The following SBF2 variants were observed in gnomAD, a reference collection of about 807,000 sequenced individuals.
SBF2 encodes SET binding factor 2, also known as myotubularin-related protein 13.
Under a neutral mutation model 225.2 loss-of-function variants are expected in SBF2, and 112 were observed. The observed-to-expected ratio is 0.50, with a 90% CI of 0.43 to 0.58. The LOEUF (loss-of-function observed/expected upper bound fraction) is 0.58, where lower values mean the gene tolerates loss of function less well. Ranked by LOEUF, SBF2 falls within the 20% of genes least tolerant of loss-of-function variation. The pLI is 0.00. For missense variants in SBF2, 1,996 were observed against 2,206.2 expected (o/e 0.90, Z 1.91); for synonymous variants, 763 against 773.3 (o/e 0.99, Z 0.22).
chr11:10,244,905 G>A lies in SBF2; in HGVS notation c.55+49110C>T, dbSNP rs527704305. Among the ~76,000 whole-genome samples, 24 of 152,066 alleles carry A rather than the reference G, an allele frequency of 1.6e-4. No homozygotes were observed. In the South Asian group the frequency reaches 2.3e-3, roughly 14 times the overall value. On this transcript the variant is annotated intron_variant, in intron 1 of 39. Transcript: ENST00000256190. ...AATCCCAGCACTTTGGGAGGCCAAGGGGGGTGGATCACTTGAGCTCAGAAG... is the reference window on the plus strand; with the variant it reads ...AATCCCAGCACTTTGGGAGGCCAAGAGGGGTGGATCACTTGAGCTCAGAAG...
chr11:9,989,298 A>G (rs547098349), intron 13 of SBF2, among the ~76,000 whole-genome samples, 199 bp downstream of exon 13: 4 of 152,064 alleles, frequency 2.6e-5, no homozygotes, highest in Non-Finnish European at 4.4e-5. Flanking sequence ...TGGGGTGAAG[A>G]GTGGGAGGGA....
At chr11:9,848,374 A>G (rs2133977777) in intron 22 of SBF2, among the ~76,000 whole-genome samples, 1 of 152,334 alleles carries the variant, frequency 6.6e-6, no homozygotes, top group South Asian at 2.1e-4. Context: ...AGAAATTTAA[A>G]AGGAAATAAA....
chr11:9,908,376 A>G (rs1024627139), intron 16 of SBF2, among the ~76,000 whole-genome samples: 1 of 152,218 alleles, frequency 6.6e-6, no homozygotes, highest in Non-Finnish European at 1.5e-5. Context: ...CTGTAATCCC[A>G]GCACTTTGGG....
chr11:9,877,198 G>A (rs1364201476), intron 17 of SBF2, among the ~76,000 whole-genome samples: 1 of 152,078 alleles, frequency 6.6e-6, no homozygotes, highest in Non-Finnish European at 1.5e-5. Context: ...CAAAGTATTA[G>A]TATTTCTATG....
chr11:10,135,067 G>T (rs950244410), intron 2 of SBF2, among the ~76,000 whole-genome samples: 5 of 152,320 alleles, frequency 3.3e-5, no homozygotes, highest in African/African-American at 9.6e-5. Context: ...AACCTAGGTG[G>T]AGGTTCCCAA....
At chr11:10,231,123 T>G (rs1252612141) in intron 1 of SBF2, among the ~76,000 whole-genome samples, 1 of 152,218 alleles carries the variant, frequency 6.6e-6, no homozygotes, top group East Asian at 1.9e-4. Flanking sequence ...GCTTGTGCAT[T>G]CGTCACTTAA....
At chr11:9,828,236 AAAG>A in intron 28 of SBF2, 2 of 1,286,832 alleles carry the variant, frequency 1.6e-6, no homozygotes, top group Non-Finnish European at 2.0e-6. Flanking sequence ...AGTCAGCCAA[AAAG>A]AAGAACAAAA....
At chr11:9,886,884 A>G (rs976322894) in intron 17 of SBF2, among the ~76,000 whole-genome samples, 1 of 152,168 alleles carries the variant, frequency 6.6e-6, no homozygotes, top group African/African-American at 2.4e-5. Flanking sequence ...TATCTGTTTT[A>G]GAATACACAT....
chr11:9,908,466 A>G (rs1862286615), intron 16 of SBF2, among the ~76,000 whole-genome samples: 1 of 152,092 alleles, frequency 6.6e-6, no homozygotes, highest in African/African-American at 2.4e-5. Flanking sequence ...TCTACTAAAA[A>G]TGCAAAAAAA....
chr11:10,079,744 C>T (rs1416547901), intron 2 of SBF2, among the ~76,000 whole-genome samples: 3 of 151,994 alleles, frequency 2.0e-5, no homozygotes, highest in African/African-American at 4.8e-5. Flanking sequence ...CCATGAACTC[C>T]GGAAATTACA....
intron 17 of SBF2, among the ~76,000 whole-genome samples, chr11:9,879,390 T>C (rs944654105): frequency 6.6e-6 from 1 of 152,186 alleles, no homozygotes; most frequent in African/African-American, 2.4e-5. Context: ...TTCTAATTCC[T>C]ATCTTCAGGC....
chr11:9,780,821 C>A (rs534065702), intron 39 of SBF2: 4 of 394,564 alleles, frequency 1.0e-5, no homozygotes, highest in Non-Finnish European at 1.9e-5. Flanking sequence ...TGCCTTTAAC[C>A]TTTCCCATGC....
intron 2 of SBF2, among the ~76,000 whole-genome samples, chr11:10,191,121 T>C (rs983685084): frequency 7.9e-5 from 12 of 152,344 alleles, no homozygotes; most frequent in Admixed American, 7.8e-4. Flanking sequence ...GAATGTTACA[T>C]GCTAATGTTG....
At chr11:10,232,672 G>A (rs1435813817) in intron 1 of SBF2, among the ~76,000 whole-genome samples, 10 of 150,598 alleles carry the variant, frequency 6.6e-5, no homozygotes, top group South Asian at 2.1e-4. Flanking sequence ...CAACCAATCC[G>A]CCTGTCTCAG....
At chr11:10,076,587 T>G (rs926687542) in intron 2 of SBF2, among the ~76,000 whole-genome samples, 1 of 152,188 alleles carries the variant, frequency 6.6e-6, no homozygotes, top group South Asian at 2.1e-4. Flanking sequence ...TGGGGCGATG[T>G]TACAATCTGA....
intron 32 of SBF2, among the ~76,000 whole-genome samples, chr11:9,803,752 A>G (rs956997452): frequency 2.0e-5 from 3 of 152,200 alleles, no homozygotes; most frequent in Non-Finnish European, 4.4e-5. Flanking sequence ...CTCCCACATT[A>G]AAGGAATTTT....
At chr11:9,785,088 A>G (rs769404049) in intron 37 of SBF2, 37 bp downstream of exon 37, 1 of 1,590,390 alleles carries the variant, frequency 6.3e-7, no homozygotes, top group Non-Finnish European at 8.6e-7. Flanking sequence ...TGCTGTGGGG[A>G]AGTCTTCAGC....
intron 6 of SBF2, among the ~76,000 whole-genome samples, chr11:10,007,366 C>T (rs1056723774): frequency 2.0e-5 from 3 of 152,158 alleles, no homozygotes; most frequent in Non-Finnish European, 4.4e-5. Context: ...AAAAGTTTGA[C>T]TCCAAAACCC....
intron 8 of SBF2, 39 bp from the exon 9 acceptor site, chr11:9,998,418 T>C: frequency 8.9e-7 from 1 of 1,122,790 alleles, no homozygotes. Context: ...ATTACCAAAA[T>C]ACATTTGTTG....
Sources: allele counts gnomAD v4.1 joint callset (sites outside exome capture counted in the v4.1 genomes callset), GRCh38; gene constraint gnomAD v4.1.1; transcripts MANE v1.5; gene names NCBI Gene and HGNC (gene_info 2026-07-23, HGNC 2026-07-21).